MRPL13: variants seen among roughly 807,000 people sequenced by gnomAD.
MRPL13 encodes the protein mitochondrial ribosomal protein L13.
A neutral mutation model predicts 29.0 loss-of-function variants in MRPL13; 33 were observed. That is an observed-to-expected ratio of 1.14 (90% CI 0.86 to 1.52). The LOEUF is 1.52. Among genes scored for constraint, MRPL13 ranks in the 40% most tolerant of loss-of-function variants. MRPL13 has a pLI of 0.00. For missense variants in MRPL13, 227 were observed against 216.7 expected, an observed-to-expected ratio of 1.05 and a Z score of -0.30; for synonymous variants, 77 against 68.4, an observed-to-expected ratio of 1.13 and a Z score of -0.62.
At chr8:120,432,250 GCAACATCAAAAAT>G in intron 2 of MRPL13, 127 bp from the exon 3 acceptor site, 1 of 549,020 alleles carries the variant, frequency 1.8e-6, no homozygotes, top group Non-Finnish European at 3.0e-6. Flanking sequence ...AAGTTACAGT[GCAACATCAAAAAT>G]CCTTGAATAG....
chr8:120,396,112 G>A lies in MRPL13; in HGVS notation c.529C>T (p.Arg177Trp), dbSNP rs375407538. 6.3e-6 allele frequency: 10 copies of A among 1,585,172 alleles called. No individual in the cohort carries two copies. The highest frequency in any genetic ancestry group is 1.7e-5 in the Admixed American group (1 of 57,172). The change falls in exon 7 of 7, where the codon CGG becomes TGG. Residue 177 changes from arginine (R) to tryptophan (W), a missense_variant. Arg to Trp is a moderately radical substitution (Grantham distance 101). Transcript: ENST00000306185. ...CTGCAATTCTTATTCTCTTATAGCC[G>A]ATAATCTTCAGGTCTGAAAGAAAAA... is the stretch of plus-strand genomic sequence containing the variant. ...PRLWTPPEDY[R>W]L
At chr8:120,429,594 A>G (rs974538354) in intron 3 of MRPL13, among the ~76,000 whole-genome samples, 1 of 152,166 alleles carries the variant, frequency 6.6e-6, no homozygotes, top group African/African-American at 2.4e-5. Flanking sequence ...ATGATCAAGT[A>G]TCGTAAATCA....
chr8:120,422,690 T>TGGGCGACAGAGCGAGACTCCGTCTCAAAA, intron 4 of MRPL13, among the ~76,000 whole-genome samples: 1 of 150,786 alleles, frequency 6.6e-6, no homozygotes, highest in Non-Finnish European at 1.5e-5. Context: ...TAATATTGTT[T>TGGGCGACAGAGCGAGACTCCGTCTCAAAA]ATAAAAATAT....
intron 2 of MRPL13, among the ~76,000 whole-genome samples, chr8:120,441,753 T>C (rs1202816749): frequency 6.6e-6 from 1 of 152,158 alleles, no homozygotes; most frequent in African/African-American, 2.4e-5. Flanking sequence ...CATGAGACCA[T>C]CTAAATAAAG....
intron 6 of MRPL13, among the ~76,000 whole-genome samples, chr8:120,410,558 C>T (rs2130458603): frequency 6.6e-6 from 1 of 152,196 alleles, no homozygotes; most frequent in East Asian, 1.9e-4. Context: ...ACTAAAATAG[C>T]ATAGTCCAAT....
At position 120,415,147 on chromosome 8, in the gene MRPL13, G is replaced by A. The variant is rs1177288214; in HGVS notation, c.394-1035C>T. The A allele has an allele frequency of 2.0e-5, 3 of 152,336 alleles. No individual in the cohort carries two copies. The South Asian group carries it at 6.2e-4, about 32-fold the overall frequency. The allele number at this position is 152,336 out of a possible 1,614,324, so 9.4% of individuals were successfully genotyped here. A position where few individuals can be genotyped will look rare whatever the true frequency, so the allele number is the denominator to read the frequency against. On this transcript the variant is annotated intron_variant, in intron 5 of 6. Coordinates refer to ENST00000306185, the MANE Select transcript of MRPL13 (RefSeq NM_014078.6). ...TGAACATTTATATTGTACTCATGAT[G>A]CAGAAATAAGGCAGCTGGGAGAATG...
intron 5 of MRPL13, 56 bp from the exon 6 acceptor site, chr8:120,414,168 A>G: frequency 7.9e-7 from 1 of 1,261,768 alleles, no homozygotes; most frequent in Non-Finnish European, 1.0e-6. Flanking sequence ...CTTAGCAATA[A>G]ATTACTAATA....
At chr8:120,423,921 G>A (rs1015561424) in intron 4 of MRPL13, among the ~76,000 whole-genome samples, 1 of 151,962 alleles carries the variant, frequency 6.6e-6, no homozygotes, top group Non-Finnish European at 1.5e-5. Flanking sequence ...AGGGAGGGTG[G>A]TAGTTAAAAA....
intron 6 of MRPL13, among the ~76,000 whole-genome samples, chr8:120,407,693 C>CAAAAA (rs1469564287): frequency 6.8e-6 from 1 of 148,114 alleles, no homozygotes. Context: ...CAAAACAAAA[C>CAAAAA]AAAAAATACA....
intron 6 of MRPL13, among the ~76,000 whole-genome samples, chr8:120,402,829 C>T (rs1242183668): frequency 1.3e-5 from 2 of 151,994 alleles, no homozygotes; most frequent in African/African-American, 2.4e-5. Context: ...AAAAAGCAGG[C>T]AGGCAAAGGA....
At chr8:120,438,347 C>T (rs1007954834) in intron 2 of MRPL13, among the ~76,000 whole-genome samples, 1 of 152,158 alleles carries the variant, frequency 6.6e-6, no homozygotes, top group African/African-American at 2.4e-5. Context: ...TCTCAAAACA[C>T]ATAGTGAAAC....
chr8:120,414,282 G>T, intron 5 of MRPL13, 170 bp from the exon 6 acceptor site: 2 of 476,462 alleles, frequency 4.2e-6, no homozygotes, highest in Non-Finnish European at 6.6e-6. Context: ...AAGTACATTA[G>T]GTTAATAATA....
At chr8:120,436,685 C>T (rs1813058592) in intron 2 of MRPL13, among the ~76,000 whole-genome samples, 1 of 152,106 alleles carries the variant, frequency 6.6e-6, no homozygotes, top group Non-Finnish European at 1.5e-5. Context: ...GTGATTCAGT[C>T]TTAGGCTTCT....
chr8:120,423,567 AT>A (rs754052494), intron 4 of MRPL13, among the ~76,000 whole-genome samples: 2 of 152,172 alleles, frequency 1.3e-5, no homozygotes, highest in Non-Finnish European at 2.9e-5. Flanking sequence ...CTAAATTCCA[AT>A]TGAATAATAG....
At chr8:120,418,593 T>C (rs1214661562) in intron 5 of MRPL13, among the ~76,000 whole-genome samples, 1 of 152,084 alleles carries the variant, frequency 6.6e-6, no homozygotes, top group Non-Finnish European at 1.5e-5. Context: ...TTTTATAGTC[T>C]GAAATGAAAT....
intron 2 of MRPL13, among the ~76,000 whole-genome samples, chr8:120,438,190 T>A (rs961120948): frequency 5.3e-5 from 8 of 152,058 alleles, no homozygotes; most frequent in African/African-American, 1.9e-4. Context: ...TGTGAAACCA[T>A]GTCTCTACGA....
rs1812516027 is a variant in MRPL13, at chr8:120,395,821, T to C, written c.*283A>G. ...CAATTCTATACACAGGGTCTGTTTTTTATCATTAAATGCAACACTAAATAG... is the reference window on the plus strand; with the variant it reads ...CAATTCTATACACAGGGTCTGTTTTCTATCATTAAATGCAACACTAAATAG... On this transcript the variant is annotated 3_prime_UTR_variant, in exon 7 of 7. Coordinates refer to ENST00000306185, the MANE Select transcript of MRPL13 (RefSeq NM_014078.6). The C allele has an allele frequency of 7.2e-6, 2 of 278,726 alleles. No homozygotes were observed. Among genetic ancestry groups the C allele is most frequent in the Non-Finnish European group, 1.3e-5 (2 of 150,908 alleles). The allele number at this position is 278,726 out of a possible 1,614,324, so 17.3% of individuals were successfully genotyped here. A position where few individuals can be genotyped will look rare whatever the true frequency, so the allele number is the denominator to read the frequency against.
intron 4 of MRPL13, among the ~76,000 whole-genome samples, chr8:120,420,289 G>A (rs1336276852): frequency 6.6e-6 from 1 of 150,996 alleles, no homozygotes; most frequent in South Asian, 2.1e-4. Flanking sequence ...TTAGAATAGG[G>A]TTACTTTGTT....
intron 6 of MRPL13, among the ~76,000 whole-genome samples, chr8:120,397,391 G>A (rs1182606997): frequency 6.6e-6 from 1 of 152,162 alleles, no homozygotes; most frequent in Non-Finnish European, 1.5e-5. Flanking sequence ...CCACTTCCAT[G>A]GCATCTCACA....
Sources: allele counts gnomAD v4.1 joint callset (sites outside exome capture counted in the v4.1 genomes callset), GRCh38; gene constraint gnomAD v4.1.1; transcripts MANE v1.5; gene names NCBI Gene and HGNC (gene_info 2026-07-23, HGNC 2026-07-21).